RNF128: variants seen among roughly 807,000 people sequenced by gnomAD.
The protein encoded by RNF128 is E3 ubiquitin-protein ligase RNF128.
In RNF128, 13 loss-of-function variants were observed where a neutral mutation model predicts 26.2. That is an observed-to-expected ratio of 0.50 (90% CI 0.32 to 0.79). The LOEUF is 0.79. Among genes scored for constraint, RNF128 ranks in the 30% least tolerant of loss-of-function variants. The pLI is 0.03. For synonymous variants in RNF128, 149 were observed against 142.5 expected, an observed-to-expected ratio of 1.05 and a Z score of -0.32; for missense variants, 315 against 349.7, an observed-to-expected ratio of 0.90 and a Z score of 0.79.
intron 1 of RNF128, among the ~76,000 whole-genome samples, chrX:106,703,727 T>C (rs911299248): frequency 9.0e-6 from 1 of 111,009 alleles, no homozygotes; most frequent in African/African-American, 3.3e-5. Flanking sequence ...GGTCAGAGTG[T>C]TGGAAGGGTC....
At chrX:106,765,434 G>A (rs1930200779) in intron 1 of RNF128, among the ~76,000 whole-genome samples, 1 of 111,372 alleles carries the variant, frequency 9.0e-6, no homozygotes, top group South Asian at 3.7e-4. Flanking sequence ...AATTAAAACT[G>A]TGAATACTAT....
rs975627199 is a variant in RNF128 at position 106,715,327 on chromosome X, T to C, written c.406+20919T>C. ...GACATTTAACATCTTTTCGCGTGCT[T>C]ATTTTCCATCTGTATTTCCTCTTTG... On this transcript the variant is annotated intron_variant, in intron 1 of 6. Transcript: ENST00000324342. 2.7e-5 allele frequency among the ~76,000 whole-genome samples: 3 copies of C among 112,659 alleles called. No homozygotes were observed. In the Admixed American group the frequency reaches 2.8e-4, roughly 11 times the overall value.
rs1357401477 is a variant in RNF128, at chrX:106,727,209, A to G, written c.296A>G (p.His99Arg). ...GGGGCGCTTAACGCCTGTAACCCGC[A>G]CACGAATTTCACGGTGCCCACGGTT... ...GPGALNACNP[H>R]TNFTVPTVWG... is the part of the protein sequence containing the mutation. The change falls in exon 1 of 7, where the codon CAC (histidine) becomes CGC (arginine). Residue 99 changes from histidine to arginine, a missense_variant. Coordinates refer to ENST00000255499, the MANE Select transcript of RNF128 (RefSeq NM_194463.2). 4.1e-6 allele frequency: 5 copies of G among 1,210,284 alleles called. No homozygotes were observed. The highest frequency in any genetic ancestry group is 3.0e-5 in the East Asian group (1 of 33,729).
At chrX:106,757,731 T>C (rs968199261) in intron 1 of RNF128, among the ~76,000 whole-genome samples, 8 of 109,085 alleles carry the variant, frequency 7.3e-5, no homozygotes, top group African/African-American at 2.7e-4. Flanking sequence ...ACTTAAAGTA[T>C]AATAAAAAAA....
intron 1 of RNF128, among the ~76,000 whole-genome samples, chrX:106,731,741 C>T (rs1197659691): frequency 9.0e-6 from 1 of 111,540 alleles, no homozygotes; most frequent in Non-Finnish European, 1.9e-5. Flanking sequence ...AGCACTCCTC[C>T]TCCAGTAAAT....
At chrX:106,718,048 CAT>C (rs1206276031) in intron 1 of RNF128, among the ~76,000 whole-genome samples, 3 of 112,043 alleles carry the variant, frequency 2.7e-5, no homozygotes, top group African/African-American at 6.5e-5. Context: ...AGCACTGACA[CAT>C]GTTAGCCTGC....
chrX:106,735,661 C>G (rs1197560297), intron 1 of RNF128, among the ~76,000 whole-genome samples: 1 of 111,703 alleles, frequency 9.0e-6, no homozygotes, highest in Non-Finnish European at 1.9e-5. Flanking sequence ...ATAGTGACAA[C>G]AGGAACAAAG....
intron 1 of RNF128, among the ~76,000 whole-genome samples, chrX:106,769,237 G>A (rs1201730886): frequency 1.8e-5 from 2 of 111,459 alleles, no homozygotes; most frequent in Non-Finnish European, 3.8e-5. Context: ...GGTCTGCTTG[G>A]TGCAGCGCTA....
intron 1 of RNF128, among the ~76,000 whole-genome samples, chrX:106,705,300 G>C (rs1422787750): frequency 1.8e-5 from 2 of 111,540 alleles, no homozygotes; most frequent in Admixed American, 1.9e-4. Flanking sequence ...ATTATTTGGG[G>C]CTCTTTTAAT....
At chrX:106,769,546 G>GTTTTTTTTTTTT (rs752900867) in intron 1 of RNF128, among the ~76,000 whole-genome samples, 2 of 65,103 alleles carry the variant, frequency 3.1e-5, no homozygotes, top group Admixed American at 2.3e-4. Flanking sequence ...CACCTGCTTT[G>GTTTTTTTTTTTT]TTTTTTTTTT....
chrX:106,784,129 C>T (rs1419894956), intron 2 of RNF128, among the ~76,000 whole-genome samples: 1 of 111,946 alleles, frequency 8.9e-6, no homozygotes, highest in Non-Finnish European at 1.9e-5. Context: ...ATTATATTCA[C>T]TTGAGGCATT....
chrX:106,759,323 C>T (rs897548698), intron 1 of RNF128, among the ~76,000 whole-genome samples: 2 of 111,563 alleles, frequency 1.8e-5, no homozygotes, highest in Non-Finnish European at 3.8e-5. Context: ...AACCCTTGTA[C>T]ACTGTTGGTT....
At chrX:106,718,248 T>C (rs1929250729) in intron 1 of RNF128, among the ~76,000 whole-genome samples, 1 of 111,682 alleles carries the variant, frequency 9.0e-6, no homozygotes, top group Non-Finnish European at 1.9e-5. Context: ...GTGGGATCAT[T>C]GAAGATAAAC....
At chrX:106,717,018 C>T (rs1051872183) in intron 1 of RNF128, among the ~76,000 whole-genome samples, 3 of 109,695 alleles carry the variant, frequency 2.7e-5, no homozygotes, top group South Asian at 4.0e-4. Flanking sequence ...CTGGCTAGCA[C>T]GGTGAAACCC....
chrX:106,771,376 C>T (rs1046365522), intron 1 of RNF128, among the ~76,000 whole-genome samples: 3 of 112,701 alleles, frequency 2.7e-5, no homozygotes, highest in African/African-American at 9.7e-5. Context: ...GTCAGGCAGG[C>T]CTCCTTGAGC....
chrX:106,720,435 A>G (rs934436410), intron 1 of RNF128, among the ~76,000 whole-genome samples: 3 of 111,092 alleles, frequency 2.7e-5, no homozygotes, highest in Non-Finnish European at 5.7e-5. Flanking sequence ...GCTGGTCTCA[A>G]ACTCCTGGGC....
chrX:106,759,623 G>A (rs988136930), intron 1 of RNF128, among the ~76,000 whole-genome samples: 1 of 111,901 alleles, frequency 8.9e-6, no homozygotes, highest in Non-Finnish European at 1.9e-5. Flanking sequence ...ATGAGTTCCT[G>A]TCATTTGCAA....
At position 106,773,096 on chromosome X, in the gene RNF128, T is replaced by C. The variant is rs1408877754; in HGVS notation, c.668T>C (p.Val223Ala). The change falls in exon 2 of 7, where the codon GTG becomes GCG. Residue 223 changes from valine (V) to alanine (A), a missense_variant. Val to Ala is a moderately conservative substitution (Grantham distance 64). Transcript: ENST00000255499. ...VSFFIITAAT[V>A]GYFIFYSARR... ...TTTTTTATTATTACGGCGGCAACTG[T>C]GGGCTATTTTATCTTTTATTCTGCT... 1 of 1,210,843 alleles carries C rather than the reference T, an allele frequency of 8.3e-7. No homozygotes were observed. Among genetic ancestry groups the C allele is most frequent in the Admixed American group, 2.2e-5 (1 of 45,980 alleles).
At chrX:106,694,428 CAAAG>C (rs368716928) in intron 1 of RNF128, 4 of 1,132,736 alleles carry the variant, frequency 3.5e-6, no homozygotes, top group African/African-American at 3.6e-5. Flanking sequence ...AATTGATTCA[CAAAG>C]AGAGTTAATG....
Sources: allele counts gnomAD v4.1 joint callset (sites outside exome capture counted in the v4.1 genomes callset), GRCh38; gene constraint gnomAD v4.1.1; transcripts MANE v1.5; gene names NCBI Gene and HGNC (gene_info 2026-07-23, HGNC 2026-07-21).